STK32B: variants seen among roughly 807,000 people sequenced by gnomAD.
The protein encoded by STK32B is serine/threonine kinase 32B.
A neutral mutation model predicts 52.6 loss-of-function variants in STK32B; 43 were observed. That is an observed-to-expected ratio of 0.82 (90% CI 0.64 to 1.05). STK32B has a LOEUF of 1.05. Ranked by LOEUF, STK32B falls within the 50% of genes least tolerant of loss-of-function variation. The pLI is 0.00. For synonymous variants in STK32B, 238 were observed against 204.3 expected (o/e 1.17, Z -1.41); for missense variants, 621 against 534.6 (o/e 1.16, Z -1.59).
chr4:5,304,088 G>T (rs1729754985), intron 3 of STK32B, among the ~76,000 whole-genome samples: 1 of 152,116 alleles, frequency 6.6e-6, no homozygotes, highest in African/African-American at 2.4e-5. Flanking sequence ...TGGCCTTACA[G>T]TATAGTATGA....
intron 2 of STK32B, among the ~76,000 whole-genome samples, chr4:5,151,202 TCAG>T: frequency 6.6e-6 from 1 of 152,332 alleles, no homozygotes; most frequent in South Asian, 2.1e-4. Flanking sequence ...TGTCAAGTAT[TCAG>T]CACAAGGTTA....
chr4:5,363,387 G>A (rs1734674623), intron 4 of STK32B, among the ~76,000 whole-genome samples: 2 of 152,120 alleles, frequency 1.3e-5, no homozygotes, highest in East Asian at 1.9e-4. Flanking sequence ...AAGGCCACAG[G>A]GTGATCCAGG....
intron 6 of STK32B, among the ~76,000 whole-genome samples, chr4:5,444,570 C>G (rs1346147931): frequency 1.3e-5 from 2 of 152,222 alleles, no homozygotes; most frequent in Non-Finnish European, 2.9e-5. Context: ...TTCTGCGTCG[C>G]TCACACTGGG....
intron 4 of STK32B, among the ~76,000 whole-genome samples, chr4:5,344,260 T>TA (rs1733299779): frequency 6.6e-6 from 1 of 152,224 alleles, no homozygotes; most frequent in African/African-American, 2.4e-5. Context: ...GTGGGTTTGG[T>TA]ACATTTTCAG....
At position 5,400,537 on chromosome 4, in the gene STK32B, C is replaced by G. The variant is rs1157149833; in HGVS notation, c.472+2293C>G. ...GAAAAGTCTCTGCTAGCTGGTGGGA[C>G]AGAGCGTTGAATATAATATTTCATA... On this transcript the variant is annotated intron_variant, in intron 5 of 11. Coordinates refer to ENST00000282908, the MANE Select transcript of STK32B (RefSeq NM_018401.3). The surrounding 1 kb of genome is among the most constrained non-coding windows in gnomAD (Gnocchi z 6.1). Among the ~76,000 whole-genome samples, 1 of 152,174 alleles carries G rather than the reference C, an allele frequency of 6.6e-6. No homozygotes were observed. Among genetic ancestry groups the G allele is most frequent in the East Asian group, 1.9e-4 (1 of 5,196 alleles).
At chr4:5,137,406 G>A (rs1716140377) in intron 1 of STK32B, among the ~76,000 whole-genome samples, 2 of 152,102 alleles carry the variant, frequency 1.3e-5, no homozygotes, top group Admixed American at 6.5e-5. Context: ...TCCTTTTCCA[G>A]TTCATCACTC....
intron 3 of STK32B, among the ~76,000 whole-genome samples, chr4:5,264,594 G>C (rs541908074): frequency 1.1e-4 from 16 of 151,948 alleles, no homozygotes; most frequent in African/African-American, 3.9e-4. Flanking sequence ...AGACCATCCT[G>C]GCTAACACAA....
intron 1 of STK32B, among the ~76,000 whole-genome samples, chr4:5,118,362 T>C (rs1478508507): frequency 7.2e-5 from 11 of 152,366 alleles, no homozygotes; most frequent in South Asian, 6.2e-4. Flanking sequence ...TTCATAGTAG[T>C]CTCTTATGAT....
At chr4:5,118,292 G>A (rs904607257) in intron 1 of STK32B, among the ~76,000 whole-genome samples, 3 of 152,116 alleles carry the variant, frequency 2.0e-5, no homozygotes, top group South Asian at 2.1e-4. Context: ...GGTAGGTAGT[G>A]TGTCTTTAGG....
chr4:5,084,524 T>C (rs1273666075), intron 1 of STK32B, among the ~76,000 whole-genome samples: 1 of 152,246 alleles, frequency 6.6e-6, no homozygotes, highest in Non-Finnish European at 1.5e-5. Flanking sequence ...AAAATATTTA[T>C]GGCAGGATTC....
intron 6 of STK32B, among the ~76,000 whole-genome samples, chr4:5,437,596 G>T (rs142945306): frequency 8.5e-4 from 129 of 152,296 alleles, no homozygotes; most frequent in Non-Finnish European, 1.5e-3. Context: ...CTATTCACAG[G>T]TCCCAGGAGT....
intron 3 of STK32B, among the ~76,000 whole-genome samples, chr4:5,228,015 G>T (rs1162601002): frequency 6.6e-6 from 1 of 151,908 alleles, no homozygotes; most frequent in Non-Finnish European, 1.5e-5. Context: ...CCAGTATCTG[G>T]GAGAACATTT....
At chr4:5,150,627 T>C (rs1717278754) in intron 2 of STK32B, among the ~76,000 whole-genome samples, 1 of 152,146 alleles carries the variant, frequency 6.6e-6, no homozygotes, top group African/African-American at 2.4e-5. Context: ...CTGTGATCTT[T>C]AGGAGTCAGC....
chr4:5,443,205 A>C (rs1303402377), intron 6 of STK32B, among the ~76,000 whole-genome samples: 2 of 147,734 alleles, frequency 1.4e-5, no homozygotes, highest in Non-Finnish European at 3.0e-5. Context: ...AGTGTTTTCC[A>C]ACTTGGTTCC....
At chr4:5,090,859 G>T (rs1035232054) in intron 1 of STK32B, among the ~76,000 whole-genome samples, 11 of 152,108 alleles carry the variant, frequency 7.2e-5, no homozygotes, top group African/African-American at 2.7e-4. Flanking sequence ...TCTGTGTTCT[G>T]CTCTATTGGT....
Position 5,395,817 on chromosome 4 carries a change from C to A in STK32B, c.435-2390C>A, listed in dbSNP as rs1323512337. Among the ~76,000 whole-genome samples, 2 of 152,244 alleles carry A rather than the reference C, an allele frequency of 1.3e-5. No homozygotes were observed. The highest frequency in any genetic ancestry group is 4.8e-5 in the African/African-American group (2 of 41,472). ...AGTGAGACTGGAGTTGGAACACAGA[C>A]TGTCTAGATCATGGGCTGAATTCTC... is the stretch of plus-strand genomic sequence containing the variant. On this transcript the variant is annotated intron_variant, in intron 4 of 11. Coordinates refer to ENST00000282908, the MANE Select transcript of STK32B (RefSeq NM_018401.3). This position sits in a 1 kb window ranked among gnomAD's most constrained non-coding sequence, Gnocchi z 4.4.
intron 4 of STK32B, among the ~76,000 whole-genome samples, chr4:5,344,450 C>T (rs571064321): frequency 4.6e-5 from 7 of 152,254 alleles, no homozygotes; most frequent in African/African-American, 1.7e-4. Context: ...TGTAAATTAA[C>T]TAACAGTTTC....
intron 2 of STK32B, among the ~76,000 whole-genome samples, chr4:5,164,953 T>G (rs1263941756): frequency 6.6e-6 from 1 of 152,184 alleles, no homozygotes; most frequent in East Asian, 1.9e-4. Flanking sequence ...CCCTTCTTGG[T>G]CAGTGAGGAA....
chr4:5,184,612 C>T lies in STK32B; in HGVS notation c.260+16162C>T, dbSNP rs537980969. Among the ~76,000 whole-genome samples, 11 of 146,838 alleles carry T rather than the reference C, an allele frequency of 7.5e-5. No homozygotes were observed. The East Asian group carries it at 1.6e-3, about 22-fold the overall frequency. On this transcript the variant is annotated intron_variant, in intron 3 of 11. Transcript: ENST00000282908. ...CTGAGGCAGGAGAATTGCTTGAACC[C>T]GGGAGGCAGAGGTTGCAGTGAGCTG... is the stretch of plus-strand genomic sequence containing the variant.
Sources: allele counts gnomAD v4.1 joint callset (sites outside exome capture counted in the v4.1 genomes callset), GRCh38; gene constraint gnomAD v4.1.1; non-coding constraint Gnocchi (gnomAD v3.1); transcripts MANE v1.5; gene names NCBI Gene and HGNC (gene_info 2026-07-23, HGNC 2026-07-21).